Variants in CFAP20DC observed in about 807,000 individuals in gnomAD.
The protein encoded by CFAP20DC is protein CFAP20DC.
In CFAP20DC, 84 loss-of-function variants were observed where a neutral mutation model predicts 101.7. The observed-to-expected ratio is 0.83, with a 90% confidence interval of 0.69 to 0.99. The LOEUF (loss-of-function observed/expected upper bound fraction) is 0.99, where lower values mean the gene tolerates loss of function less well. CFAP20DC is among the 50% of genes least tolerant of loss of function. CFAP20DC has a pLI of 0.00. For missense variants in CFAP20DC, 1,007 were observed against 970.3 expected, an observed-to-expected ratio of 1.04 and a Z score of -0.50; for synonymous variants, 359 against 351.2, an observed-to-expected ratio of 1.02 and a Z score of -0.25.
At chr3:58,746,479 T>A (rs1414349913) in intron 16 of CFAP20DC, among the ~76,000 whole-genome samples, 2 of 152,126 alleles carry the variant, frequency 1.3e-5, no homozygotes. Flanking sequence ...TTACAACCAG[T>A]TGGGAATCTT....
chr3:58,739,613 AT>A (rs2107116013), downstream of CFAP20DC, among the ~76,000 whole-genome samples: 1 of 152,348 alleles, frequency 6.6e-6, no homozygotes, highest in Admixed American at 6.5e-5. Context: ...CTGACTGCAT[AT>A]TGGCATGGCT....
At chr3:58,738,982 GACT>G (rs755006765), downstream of CFAP20DC, among the ~76,000 whole-genome samples, 26 of 152,244 alleles carry the variant, frequency 1.7e-4, no homozygotes, top group African/African-American at 2.2e-4. The surrounding 1 kb of genome is among the most constrained non-coding windows in gnomAD (Gnocchi z 4.4). Context: ...TACATTCTGT[GACT>G]ACATTATTCT....
intron 15 of CFAP20DC, among the ~76,000 whole-genome samples, chr3:58,768,263 C>A (rs1248725940): frequency 6.6e-6 from 1 of 152,114 alleles, no homozygotes; most frequent in Non-Finnish European, 1.5e-5. Context: ...AATTCAGATG[C>A]CACTGGTGAT....
intron 4 of CFAP20DC, among the ~76,000 whole-genome samples, chr3:59,029,375 G>A (rs190140419): frequency 2.0e-5 from 3 of 152,280 alleles, no homozygotes; most frequent in Admixed American, 2.0e-4. Context: ...AGGCATAAGA[G>A]ATGAACTTCA....
chr3:58,731,742 G>A (rs938277751), intron 3 of CFAP20DC, among the ~76,000 whole-genome samples: 11 of 152,152 alleles, frequency 7.2e-5, no homozygotes, highest in Non-Finnish European at 1.5e-4. Context: ...CGGTACAGCA[G>A]ATAAACAGAA....
intron 15 of CFAP20DC, among the ~76,000 whole-genome samples, chr3:58,758,986 T>C (rs1173069821): frequency 5.9e-5 from 9 of 152,178 alleles, no homozygotes; most frequent in African/African-American, 9.6e-5. Flanking sequence ...TGAATAGTGC[T>C]GCAATAAACA....
chr3:58,852,844 G>T (rs565544666), intron 12 of CFAP20DC, among the ~76,000 whole-genome samples: 9 of 150,776 alleles, frequency 6.0e-5, no homozygotes, highest in African/African-American at 2.2e-4. Flanking sequence ...AGTGTGTAGA[G>T]GGAAATTTAT....
intron 4 of CFAP20DC, among the ~76,000 whole-genome samples, chr3:58,995,202 C>A (rs982460040): frequency 1.2e-4 from 18 of 152,072 alleles, no homozygotes; most frequent in African/African-American, 3.6e-4. Context: ...CACAAAGCAG[C>A]CTGCCTTCCT....
rs914107694 is a variant in CFAP20DC, at chr3:58,897,912, T to G, written c.551-13203A>C. On this transcript the variant is annotated intron_variant, in intron 6 of 16. Coordinates refer to ENST00000482387, the MANE Select transcript of CFAP20DC (RefSeq NM_001394063.1). This position sits in a 1 kb window ranked among gnomAD's most constrained non-coding sequence, Gnocchi z 4.4. ...TGGGGTTGTCTGCATTTCCTGAATTTAAATGTTGGCCTGGCTTACTAGGTT... is the reference window on the plus strand; with the variant it reads ...TGGGGTTGTCTGCATTTCCTGAATTGAAATGTTGGCCTGGCTTACTAGGTT... Among the ~76,000 whole-genome samples the G allele has an allele frequency of 1.3e-5, 2 of 152,164 alleles. No homozygotes were observed. Among genetic ancestry groups the G allele is most frequent in the African/African-American group, 4.8e-5 (2 of 41,426 alleles).
intron 5 of CFAP20DC, among the ~76,000 whole-genome samples, chr3:58,931,455 G>C (rs1273998177): frequency 1.3e-5 from 2 of 152,210 alleles, no homozygotes; most frequent in Admixed American, 6.5e-5. Flanking sequence ...ATCTAAGAAC[G>C]GGCAGACTGC....
chr3:58,982,270 C>G (rs1370501989), intron 4 of CFAP20DC, among the ~76,000 whole-genome samples: 1 of 152,164 alleles, frequency 6.6e-6, no homozygotes, highest in Non-Finnish European at 1.5e-5. Flanking sequence ...GGACTGTAAA[C>G]TAGTTTGTAA....
Position 58,916,728 on chromosome 3 carries a change from C to T in CFAP20DC, c.394-2864G>A, listed in dbSNP as rs182331174. ...GATGGAAATAACTTTCACAAATCCC[C>T]CTTGGCTAGAGGAAACAGAAATTAT... is the stretch of plus-strand genomic sequence containing the variant. On this transcript the variant is annotated intron_variant, in intron 5 of 16. Coordinates refer to ENST00000482387, the MANE Select transcript of CFAP20DC (RefSeq NM_001394063.1). 1.4e-4 allele frequency among the ~76,000 whole-genome samples: 21 copies of T among 152,182 alleles called. No individual in the cohort carries two copies. The East Asian group carries it at 3.7e-3, about 27-fold the overall frequency.
In CFAP20DC at chr3:58,821,052, C is replaced by T. The variant is rs1349979219; in HGVS notation, c.2175+10634G>A. On this transcript the variant is annotated intron_variant, in intron 14 of 16. Transcript: ENST00000482387. ...AAAACAAGCAATGGGGAAAGGATTC[C>T]CTATTTAATAAATGGTGCTGGGAAA... is the stretch of plus-strand genomic sequence containing the variant. Among the ~76,000 whole-genome samples, 4 of 151,684 alleles carry T rather than the reference C, an allele frequency of 2.6e-5. No individual in the cohort carries two copies. The East Asian group carries it at 5.8e-4, about 22-fold the overall frequency.
At chr3:58,870,655 G>A (rs2080098758) in intron 7 of CFAP20DC, among the ~76,000 whole-genome samples, 5 of 150,234 alleles carry the variant, frequency 3.3e-5, no homozygotes, top group Admixed American at 6.6e-5. Flanking sequence ...TTGGGAGGCC[G>A]AGGCGGGTGG....
chr3:58,828,918 G>A (rs2076217261), intron 14 of CFAP20DC, among the ~76,000 whole-genome samples: 1 of 152,126 alleles, frequency 6.6e-6, no homozygotes. Context: ...AAAGGAGAGA[G>A]GATTCTTAGG....
At chr3:58,940,963 G>A (rs2088471697) in intron 4 of CFAP20DC, among the ~76,000 whole-genome samples, 1 of 152,046 alleles carries the variant, frequency 6.6e-6, no homozygotes, top group Non-Finnish European at 1.5e-5. Context: ...CATTTTAGAA[G>A]CCCTGCACAT....
At chr3:58,798,316 G>T (rs532279576) in intron 15 of CFAP20DC, among the ~76,000 whole-genome samples, 1 of 152,310 alleles carries the variant, frequency 6.6e-6, no homozygotes, top group Non-Finnish European at 1.5e-5. Context: ...GGAGAAATCA[G>T]TTCCAACCAT....
At chr3:58,953,249 G>A (rs111728750) in intron 4 of CFAP20DC, among the ~76,000 whole-genome samples, 6 of 152,298 alleles carry the variant, frequency 3.9e-5, no homozygotes, top group African/African-American at 1.4e-4. Flanking sequence ...CTCTGCTATA[G>A]TGTATCTTTC....
chr3:58,994,969 GACA>G (rs942792083), intron 4 of CFAP20DC, among the ~76,000 whole-genome samples: 20 of 152,086 alleles, frequency 1.3e-4, no homozygotes, highest in Non-Finnish European at 2.1e-4. Context: ...GTTACAGGAA[GACA>G]ACAAGTCTGA....
Sources: gnomAD v4.1 joint callset for allele counts (sites outside exome capture counted in the v4.1 genomes callset) on GRCh38, gnomAD v4.1.1 for gene constraint, Gnocchi (gnomAD v3.1) non-coding constraint, MANE v1.5 for transcripts, NCBI Gene and HGNC (gene_info 2026-07-23, HGNC 2026-07-21) for gene names.